The following ZC3H14 variants were observed in gnomAD, a reference collection of about 807,000 sequenced individuals.
The protein encoded by ZC3H14 is zinc finger CCCH domain-containing protein 14.
ZC3H14 carries 31 observed loss-of-function variants against 92.4 expected under a neutral mutation model. That is an observed-to-expected ratio of 0.34 (90% CI 0.25 to 0.45). The LOEUF (loss-of-function observed/expected upper bound fraction) is 0.45. Ranked by LOEUF, ZC3H14 falls within the 20% of genes least tolerant of loss-of-function variation. The pLI, the probability that ZC3H14 is intolerant of heterozygous loss-of-function variation, is 1.00. For missense variants in ZC3H14, 781 were observed against 897.3 expected (o/e 0.87, Z 1.66); for synonymous variants, 321 against 300.9 (o/e 1.07, Z -0.69).
chr14:88,583,122 T>C (rs1362443596), intron 9 of ZC3H14, among the ~76,000 whole-genome samples: 1 of 150,594 alleles, frequency 6.6e-6, no homozygotes, highest in Admixed American at 6.6e-5. Flanking sequence ...TTTCATTGAC[T>C]TGTGCTTTTT....
At chr14:88,588,667 G>A (rs936252911) in intron 9 of ZC3H14, among the ~76,000 whole-genome samples, 12 of 151,878 alleles carry the variant, frequency 7.9e-5, no homozygotes, top group African/African-American at 2.4e-4. Flanking sequence ...ATTCTCTTCC[G>A]TGTGGGAAAT....
chr14:88,622,403 G>T lies in ZC3H14; in HGVS notation c.*10652G>T. 1 of 427,106 alleles carries T rather than the reference G, an allele frequency of 2.3e-6. No homozygotes were observed. The highest frequency in any genetic ancestry group is 5.4e-4 in the Middle Eastern group (1 of 1,868). The allele number at this position is 427,106 out of a possible 1,614,324, so 26.5% of individuals were successfully genotyped here. A position where few individuals can be genotyped will look rare whatever the true frequency, so the allele number is the denominator to read the frequency against. On this transcript the variant is annotated 3_prime_UTR_variant, in exon 17 of 17. Coordinates refer to ENST00000251038, the MANE Select transcript of ZC3H14 (RefSeq NM_024824.5). ...ATTGGAGGTTTACATACAGTATTTAGACAGAATAGCTTCCTAGCTTATGCA... is the reference window on the plus strand; with the variant it reads ...ATTGGAGGTTTACATACAGTATTTATACAGAATAGCTTCCTAGCTTATGCA...
intron 13 of ZC3H14, among the ~76,000 whole-genome samples, chr14:88,607,630 CAAGT>C (rs1483691451): frequency 7.4e-5 from 10 of 135,118 alleles, no homozygotes; most frequent in African/African-American, 2.5e-4. Flanking sequence ...TCTCACCCTG[CAAGT>C]GAGTACCATC....
Position 88,621,363 on chromosome 14 carries a change from AT to A in ZC3H14, c.*9613del. 2 of 1,593,762 alleles carry A rather than the reference AT, an allele frequency of 1.3e-6. No homozygotes were observed. The highest frequency in any genetic ancestry group is 1.7e-6 in the Non-Finnish European group (2 of 1,164,436). ...ACAACAGCTGCTTTTCTTCTTCATA[AT>A]ATAAAAATGACCCTATTGACCTGCT... On this transcript the variant is annotated 3_prime_UTR_variant, in exon 17 of 17. Coordinates refer to ENST00000251038, the MANE Select transcript of ZC3H14 (RefSeq NM_024824.5).
At chr14:88,574,915 T>C (rs1313606272) in intron 7 of ZC3H14, 62 bp downstream of exon 7, 8 of 1,609,298 alleles carry the variant, frequency 5.0e-6, no homozygotes, top group African/African-American at 1.3e-5. Flanking sequence ...CCTGATTTAT[T>C]GAAGAGAATA....
chr14:88,573,089 C>T (rs2080657196), intron 6 of ZC3H14, 82 bp downstream of exon 6: 2 of 1,504,554 alleles, frequency 1.3e-6, no homozygotes, highest in African/African-American at 1.4e-5. Flanking sequence ...TAACTAAACA[C>T]ATATTCCAAG....
Position 88,618,428 on chromosome 14 carries a change from A to T in ZC3H14, c.*6677A>T. 1 of 1,150,154 alleles carries T rather than the reference A, an allele frequency of 8.7e-7. No homozygotes were observed. Among genetic ancestry groups the T allele is most frequent in the Non-Finnish European group, 1.3e-6 (1 of 791,342 alleles). The allele number at this position is 1,150,154 out of a possible 1,614,324, so 71.2% of individuals were successfully genotyped here. ...ATACTAGCATATTGCTACTTGATTT[A>T]CATGTCTAACATTATTAAGTATGCA... On this transcript the variant is annotated 3_prime_UTR_variant, in exon 17 of 17. Transcript: ENST00000251038.
chr14:88,621,724 C>A lies in ZC3H14; in HGVS notation c.*9973C>A. The A allele has an allele frequency of 3.3e-6, 1 of 299,370 alleles. No homozygotes were observed. The highest frequency in any genetic ancestry group is 3.2e-5 in the South Asian group (1 of 31,600). The allele number at this position is 299,370 out of a possible 1,614,324, so 18.5% of individuals were successfully genotyped here. A position where few individuals can be genotyped will look rare whatever the true frequency, so the allele number is the denominator to read the frequency against. ...ATAATATCCGTATGATTTATAAATA[C>A]ACTTAATAAGTACAAACACGCTCAA... On this transcript the variant is annotated 3_prime_UTR_variant, in exon 17 of 17. Transcript: ENST00000251038.
In ZC3H14 at chr14:88,621,552, T is replaced by C. The variant is rs2088945267; in HGVS notation, c.*9801T>C. On this transcript the variant is annotated 3_prime_UTR_variant, in exon 17 of 17. Transcript: ENST00000251038. ...TAGAACTTTTCTGTGGCAGTACACC[T>C]GGATTCTTCAATAATCAAAGTTTTT... 1 of 516,630 alleles carries C rather than the reference T, an allele frequency of 1.9e-6. No homozygotes were observed. Among genetic ancestry groups the C allele is most frequent in the Non-Finnish European group, 3.4e-6 (1 of 293,688 alleles). The allele number at this position is 516,630 out of a possible 1,614,324, so 32.0% of individuals were successfully genotyped here.
At position 88,616,717 on chromosome 14, in the gene ZC3H14, C is replaced by T. The variant is rs1349586263; in HGVS notation, c.*4966C>T. 1 of 1,608,804 alleles carries T rather than the reference C, an allele frequency of 6.2e-7. No individual in the cohort carries two copies. Among genetic ancestry groups the T allele is most frequent in the Admixed American group, 1.7e-5 (1 of 59,500 alleles). ...TAAACTGATAATAGTAAACAAAACACAAACTTACAAATTTTTCTGGACATG... is the reference window on the plus strand; with the variant it reads ...TAAACTGATAATAGTAAACAAAACATAAACTTACAAATTTTTCTGGACATG... On this transcript the variant is annotated 3_prime_UTR_variant, in exon 17 of 17. Coordinates refer to ENST00000251038, the MANE Select transcript of ZC3H14 (RefSeq NM_024824.5).
chr14:88,571,039 T>G (rs1315437809), intron 3 of ZC3H14, 45 bp from the exon 4 acceptor site: 1 of 1,463,812 alleles, frequency 6.8e-7, no homozygotes, highest in Non-Finnish European at 9.2e-7. Context: ...AAATGAAATC[T>G]TTCTTAACAG....
intron 3 of ZC3H14, among the ~76,000 whole-genome samples, chr14:88,570,301 T>C (rs769614350): frequency 6.6e-6 from 1 of 152,286 alleles, no homozygotes; most frequent in Non-Finnish European, 1.5e-5. Flanking sequence ...ACTAGGGTTC[T>C]CATTGAAACA....
At chr14:88,586,092 C>T (rs2082441022) in intron 9 of ZC3H14, among the ~76,000 whole-genome samples, 1 of 152,190 alleles carries the variant, frequency 6.6e-6, no homozygotes, top group African/African-American at 2.4e-5. Flanking sequence ...CGCTTGAACC[C>T]AGGAGGCAGA....
At chr14:88,597,790 C>T (rs2084051787) in intron 10 of ZC3H14, among the ~76,000 whole-genome samples, 1 of 152,226 alleles carries the variant, frequency 6.6e-6, no homozygotes, top group Non-Finnish European at 1.5e-5. Context: ...CAGCCGAGAT[C>T]TGTGTGTGGG....
intron 16 of ZC3H14, 138 bp from the exon 17 acceptor site, chr14:88,611,607 T>A: frequency 3.2e-6 from 3 of 940,570 alleles, no homozygotes; most frequent in East Asian, 2.7e-5. Flanking sequence ...GAATTATTTT[T>A]AAAAATCTGC....
rs758992884 is a variant in ZC3H14, at chr14:88,621,395, A to C, written c.*9644A>C. On this transcript the variant is annotated 3_prime_UTR_variant, in exon 17 of 17. Transcript: ENST00000251038. Reference sequence around the variant, plus strand: ...AATGACCCTATTGACCTGCTTTCAGAGAACTTTTTGCTTTGAGCTAATCTA... The same window carrying C: ...AATGACCCTATTGACCTGCTTTCAGCGAACTTTTTGCTTTGAGCTAATCTA... 1 of 1,511,346 alleles carries C rather than the reference A, an allele frequency of 6.6e-7. No homozygotes were observed. Among genetic ancestry groups the C allele is most frequent in the Non-Finnish European group, 9.1e-7 (1 of 1,102,656 alleles). The allele number at this position is 1,511,346 out of a possible 1,614,324, so 93.6% of individuals were successfully genotyped here. A position where few individuals can be genotyped will look rare whatever the true frequency, so the allele number is the denominator to read the frequency against.
intron 8 of ZC3H14, 32 bp downstream of exon 8, chr14:88,575,972 A>G: frequency 6.5e-7 from 1 of 1,535,116 alleles, no homozygotes; most frequent in Non-Finnish European, 9.0e-7. Flanking sequence ...TACACTTGGT[A>G]AGACATTTCT....
At chr14:88,563,475 G>A (rs1470550476) in intron 1 of ZC3H14, 176 bp from the exon 2 acceptor site, 15 of 1,483,592 alleles carry the variant, frequency 1.0e-5, no homozygotes, top group Non-Finnish European at 1.3e-5. Context: ...GCGGGGCTGG[G>A]GCTGGAGCTG....
Position 88,609,764 on chromosome 14 carries a change from T to C in ZC3H14, c.2058T>C (p.Pro686=). The C allele has an allele frequency of 6.2e-7, 1 of 1,614,208 alleles. No individual in the cohort carries two copies. Among genetic ancestry groups the C allele is most frequent in the East Asian group, 2.2e-5 (1 of 44,882 alleles). The change falls in exon 15 of 17, where the codon CCT becomes CCC. Residue 686 remains proline (P), a synonymous_variant. Coordinates refer to ENST00000251038, the MANE Select transcript of ZC3H14 (RefSeq NM_024824.5). ...PSSSQLCRYF[P]ACKKMECPFY... ...GTAGTCAGCTCTGCCGTTACTTCCC[T>C]GCTTGTAAGAAGATGGAATGTCCCT... is the stretch of plus-strand genomic sequence containing the variant.
Sources: gnomAD v4.1 joint callset for allele counts (sites outside exome capture counted in the v4.1 genomes callset) on GRCh38, gnomAD v4.1.1 for gene constraint, MANE v1.5 for transcripts, NCBI Gene and HGNC (gene_info 2026-07-23, HGNC 2026-07-21) for gene names.